Variants in ANKHD1 observed in about 807,000 individuals in gnomAD.
ANKHD1 encodes the protein ankyrin repeat and KH domain-containing protein 1.
Under a neutral mutation model 230.5 loss-of-function variants are expected in ANKHD1, and 31 were observed. The ratio of observed to expected loss-of-function variants is 0.13; its 90% confidence interval spans 0.10 to 0.18. The LOEUF is 0.18. ANKHD1 is among the 10% of genes least tolerant of loss of function. The probability of loss-of-function intolerance (pLI) is 1.00; values close to 1 mark genes in which losing one functional copy is unlikely to be tolerated. For missense variants in ANKHD1, 2,256 were observed against 3,071.3 expected, an observed-to-expected ratio of 0.73 and a Z score of 6.27; for synonymous variants, 1,074 against 1,117.6, an observed-to-expected ratio of 0.96 and a Z score of 0.78.
chr5:140,422,915 G>A (rs1316577803), intron 1 of ANKHD1, among the ~76,000 whole-genome samples: 5 of 151,378 alleles, frequency 3.3e-5, no homozygotes, highest in African/African-American at 4.9e-5. Flanking sequence ...TTGCTCTTTC[G>A]CCCAGGCTGG....
At chr5:140,459,791 A>T (rs1213054692) in intron 9 of ANKHD1, among the ~76,000 whole-genome samples, 3 of 152,170 alleles carry the variant, frequency 2.0e-5, no homozygotes, top group African/African-American at 4.8e-5. Flanking sequence ...TTAAATAATT[A>T]AAAATACTGT....
intron 1 of ANKHD1, among the ~76,000 whole-genome samples, chr5:140,411,281 G>A (rs1770899675): frequency 6.6e-6 from 1 of 152,140 alleles, no homozygotes; most frequent in Admixed American, 6.5e-5. Flanking sequence ...AGAAGTCTGG[G>A]AACTGTTGAG....
chr5:140,495,324 C>T (rs1209050216), intron 14 of ANKHD1, among the ~76,000 whole-genome samples: 1 of 150,538 alleles, frequency 6.6e-6, no homozygotes, highest in Non-Finnish European at 1.5e-5. Flanking sequence ...CGGCTCACTG[C>T]AAGCTCCGCC....
chr5:140,524,928 G>T, intron 25 of ANKHD1: 2 of 324,904 alleles, frequency 6.2e-6, no homozygotes, highest in Admixed American at 3.7e-5. Context: ...GTGAAACCCC[G>T]TCTCTACTTA....
chr5:140,455,704 G>A (rs1471792754), intron 7 of ANKHD1, among the ~76,000 whole-genome samples: 3 of 152,106 alleles, frequency 2.0e-5, no homozygotes, highest in Non-Finnish European at 2.9e-5. Context: ...AGGTATTGAT[G>A]GGACATATCT....
At chr5:140,449,632 A>T (rs1436818634) in intron 7 of ANKHD1, among the ~76,000 whole-genome samples, 1 of 151,830 alleles carries the variant, frequency 6.6e-6, no homozygotes, top group Non-Finnish European at 1.5e-5. Context: ...ACTGCACTCC[A>T]GCCTGGGCGA....
At chr5:140,524,401 A>G (rs1209167987) in intron 25 of ANKHD1, among the ~76,000 whole-genome samples, 161 bp downstream of exon 25, 3 of 152,256 alleles carry the variant, frequency 2.0e-5, no homozygotes, top group Admixed American at 6.5e-5. Context: ...AGTGTTTTGC[A>G]TTGTAAATTA....
At chr5:140,483,473 T>G (rs1751376255) in intron 11 of ANKHD1, among the ~76,000 whole-genome samples, 1 of 150,218 alleles carries the variant, frequency 6.7e-6, no homozygotes, top group Non-Finnish European at 1.5e-5. Context: ...TTTTTTTTTT[T>G]TGAGAAGGAG....
At chr5:140,403,249 A>G (rs1262361585) in intron 1 of ANKHD1, among the ~76,000 whole-genome samples, 1 of 151,982 alleles carries the variant, frequency 6.6e-6, no homozygotes, top group Non-Finnish European at 1.5e-5. Flanking sequence ...GATTACAGGT[A>G]TGAGCCACCG....
intron 9 of ANKHD1, among the ~76,000 whole-genome samples, chr5:140,463,545 G>A (rs1775869315): frequency 6.6e-6 from 1 of 152,102 alleles, no homozygotes; most frequent in Middle Eastern, 3.2e-3. Context: ...CAGGGCTGGG[G>A]AATATATATT....
chr5:140,433,070 A>T (rs1315765284), intron 1 of ANKHD1, among the ~76,000 whole-genome samples: 1 of 151,742 alleles, frequency 6.6e-6, no homozygotes, highest in Non-Finnish European at 1.5e-5. Context: ...CCCCAAAAAA[A>T]AAACGGGGGT....
intron 1 of ANKHD1, among the ~76,000 whole-genome samples, chr5:140,403,435 T>C (rs977167624): frequency 6.6e-6 from 1 of 151,704 alleles, no homozygotes; most frequent in East Asian, 2.0e-4. Flanking sequence ...TTTTTTGAGA[T>C]GGAGTTTCGC....
Position 140,440,060 on chromosome 5 carries a change from T to C in ANKHD1, c.618-59T>C, listed in dbSNP as rs1773740641. 4.3e-5 allele frequency: 63 copies of C among 1,450,404 alleles called. No homozygotes were observed. In the South Asian group the frequency reaches 9.2e-4, roughly 21 times the overall value. 89.8% of individuals were successfully genotyped at this position (1,450,404 alleles called of 1,614,324 possible). On this transcript the variant is annotated intron_variant, in intron 3 of 33. Coordinates refer to ENST00000360839, the MANE Select transcript of ANKHD1 (RefSeq NM_017747.3). The stretch of plus-strand genomic sequence containing the variant: ...GTGACTATTTATATTTAATATAATT[T>C]ATCATAGGACCCCCGAGTCTTTTTG...
chr5:140,530,170 A>G (rs1317091823), intron 29 of ANKHD1, among the ~76,000 whole-genome samples: 1 of 151,758 alleles, frequency 6.6e-6, no homozygotes, highest in Non-Finnish European at 1.5e-5. Flanking sequence ...TATTTTAGGT[A>G]TAGCTATTTG....
intron 11 of ANKHD1, among the ~76,000 whole-genome samples, chr5:140,483,743 C>G (rs919067379): frequency 2.0e-5 from 3 of 152,196 alleles, no homozygotes; most frequent in African/African-American, 7.2e-5. Context: ...CAGGCATGAG[C>G]CACTGCACCT....
chr5:140,441,818 T>C (rs1330018782), intron 5 of ANKHD1, among the ~76,000 whole-genome samples: 1 of 152,022 alleles, frequency 6.6e-6, no homozygotes, highest in Non-Finnish European at 1.5e-5. Flanking sequence ...ATATGTTAAT[T>C]TGTTCTATAG....
At position 140,485,426 on chromosome 5, in the gene ANKHD1, ACG is replaced by A. The variant is rs1491563577; in HGVS notation, c.1999-162_1999-161del. Reference sequence around the variant, plus strand: ...CACACACACACACACACACACACACACGTATGTATGTGTATATATATATAAAT... The same window carrying A: ...CACACACACACACACACACACACACATATGTATGTGTATATATATATAAAT... On this transcript the variant is annotated intron_variant, in intron 12 of 33. Transcript: ENST00000360839. The surrounding 1 kb of genome is among the most constrained non-coding windows in gnomAD (Gnocchi z 4.8). Among the ~76,000 whole-genome samples, 2 of 147,164 alleles carry A rather than the reference ACG, an allele frequency of 1.4e-5. No homozygotes were observed. The highest frequency in any genetic ancestry group is 4.9e-5 in the African/African-American group (2 of 40,866).
chr5:140,508,111 C>T, intron 20 of ANKHD1, 113 bp downstream of exon 20: 1 of 1,350,088 alleles, frequency 7.4e-7, no homozygotes, highest in Non-Finnish European at 9.8e-7. Flanking sequence ...AAACTGATAC[C>T]AATGCAGAGT....
At position 140,535,359 on chromosome 5, in the gene ANKHD1, C is replaced by A; in HGVS notation, c.6851-3C>A. On this transcript the variant is annotated splice_region_variant and splice_polypyrimidine_tract_variant and intron_variant, in intron 29 of 33. Coordinates refer to ENST00000360839, the MANE Select transcript of ANKHD1 (RefSeq NM_017747.3). ...TGGATGTCTTGGACCTGTTTTATTT[C>A]AGGGTTACCATCCATTGACCCATCA... 6.3e-7 allele frequency: 1 copy of A among 1,581,516 alleles called. No individual in the cohort carries two copies. Among genetic ancestry groups the A allele is most frequent in the African/African-American group, 1.4e-5 (1 of 73,176 alleles).
Sources: allele counts gnomAD v4.1 joint callset (sites outside exome capture counted in the v4.1 genomes callset), GRCh38; gene constraint gnomAD v4.1.1; non-coding constraint Gnocchi (gnomAD v3.1); transcripts MANE v1.5; gene names NCBI Gene and HGNC (gene_info 2026-07-23, HGNC 2026-07-21).